The following CFAP77 variants were observed in gnomAD, a reference collection of about 807,000 sequenced individuals.
CFAP77 encodes the protein cilia and flagella associated protein 77, also known as cilia- and flagella-associated protein 77.
Under a neutral mutation model 31.1 loss-of-function variants are expected in CFAP77, and 25 were observed. The observed-to-expected ratio is 0.80, with a 90% CI of 0.59 to 1.12. The LOEUF (loss-of-function observed/expected upper bound fraction) is 1.12. CFAP77 is among the 50% of genes most tolerant of loss of function. The pLI is 0.00. For synonymous variants in CFAP77, 151 were observed against 159.9 expected (o/e 0.94, Z 0.42); for missense variants, 377 against 397.3 (o/e 0.95, Z 0.44).
chr9:132,472,943 C>T (rs1229122083), intron 1 of CFAP77, among the ~76,000 whole-genome samples: 1 of 152,130 alleles, frequency 6.6e-6, no homozygotes, highest in Admixed American at 6.5e-5. Context: ...CACAGAGTGA[C>T]TGATAAAGAA....
At chr9:132,465,098 A>G (rs899268667) in intron 1 of CFAP77, among the ~76,000 whole-genome samples, 1 of 146,238 alleles carries the variant, frequency 6.8e-6, no homozygotes, top group South Asian at 2.1e-4. Flanking sequence ...AAAAAAGAAA[A>G]AAAGAAAGAA....
At chr9:132,504,650 C>T (rs1292897323) in intron 3 of CFAP77, among the ~76,000 whole-genome samples, 1 of 152,194 alleles carries the variant, frequency 6.6e-6, no homozygotes, top group African/African-American at 2.4e-5. Flanking sequence ...CCGCAAATTG[C>T]AGGCAAAAGG....
chr9:132,485,796 G>A (rs969894190), intron 1 of CFAP77, among the ~76,000 whole-genome samples: 2 of 151,228 alleles, frequency 1.3e-5, no homozygotes. Context: ...CCCATTTATT[G>A]GGCACTTACT....
intron 5 of CFAP77, among the ~76,000 whole-genome samples, chr9:132,549,886 A>G (rs1852797594): frequency 6.6e-6 from 1 of 152,174 alleles, no homozygotes. Context: ...GTTTTACATA[A>G]TCTGGCACCT....
chr9:132,503,291 C>T (rs1441029929), intron 3 of CFAP77, among the ~76,000 whole-genome samples: 3 of 152,208 alleles, frequency 2.0e-5, no homozygotes, highest in Admixed American at 6.5e-5. Context: ...GCCCTGTTCT[C>T]GCAGGCTGCC....
chr9:132,439,465 C>T (rs1328416601), intron 1 of CFAP77, among the ~76,000 whole-genome samples: 1 of 152,122 alleles, frequency 6.6e-6, no homozygotes, highest in Non-Finnish European at 1.5e-5. Flanking sequence ...GCCGAGAGAT[C>T]CAGCTCTCTG....
intron 1 of CFAP77, among the ~76,000 whole-genome samples, chr9:132,493,210 C>A (rs1015620548): frequency 2.6e-5 from 4 of 152,102 alleles, no homozygotes; most frequent in Non-Finnish European, 5.9e-5. Flanking sequence ...TGGGGCTTTT[C>A]TGAGTGTCCA....
Position 132,508,048 on chromosome 9 carries a change from C to G in CFAP77, c.524+8448C>G, listed in dbSNP as rs1192639982. Among the ~76,000 whole-genome samples the G allele has an allele frequency of 1.3e-5, 2 of 152,204 alleles. 1 individual carries two copies. Among genetic ancestry groups the G allele is most frequent in the African/African-American group, 4.8e-5 (2 of 41,446 alleles). On this transcript the variant is annotated intron_variant, in intron 3 of 5. Coordinates refer to ENST00000393216, the MANE Select transcript of CFAP77 (RefSeq NM_001282957.2). ...TCATCCATCGCTGCATCTTCAGCGT[C>G]CAACACAATGCCTGGCACATAGTGA...
chr9:132,520,059 T>G (rs918534164), intron 3 of CFAP77, among the ~76,000 whole-genome samples: 1 of 150,654 alleles, frequency 6.6e-6, no homozygotes, highest in Non-Finnish European at 1.5e-5. Context: ...CCTTGGGCCC[T>G]CAAATCCTGT....
At chr9:132,503,281 G>A (rs1036786722) in intron 3 of CFAP77, among the ~76,000 whole-genome samples, 1 of 152,170 alleles carries the variant, frequency 6.6e-6, no homozygotes, top group African/African-American at 2.4e-5. Context: ...GCCCTCCCTT[G>A]CCCTGTTCTC....
At chr9:132,430,182 T>A (rs1850388556) in intron 1 of CFAP77, among the ~76,000 whole-genome samples, 1 of 152,170 alleles carries the variant, frequency 6.6e-6, no homozygotes, top group African/African-American at 2.4e-5. Context: ...ATAAATTTTT[T>A]AAAATTTCTG....
chr9:132,555,034 G>T (rs1294843236), intron 5 of CFAP77, among the ~76,000 whole-genome samples: 1 of 152,060 alleles, frequency 6.6e-6, no homozygotes, highest in East Asian at 1.9e-4. Flanking sequence ...ATCCAGCCAA[G>T]ATTTGTTTGG....
intron 5 of CFAP77, among the ~76,000 whole-genome samples, chr9:132,544,325 G>T (rs752811471): frequency 1.3e-5 from 2 of 152,118 alleles, no homozygotes; most frequent in African/African-American, 4.8e-5. Context: ...CTGCAGCTCC[G>T]CAGCTCCTCT....
intron 5 of CFAP77, among the ~76,000 whole-genome samples, chr9:132,560,830 G>A (rs1337942237): frequency 4.6e-5 from 7 of 152,144 alleles, no homozygotes; most frequent in East Asian, 1.9e-4. Context: ...GAGTGGTGCC[G>A]GTGCCATTTG....
chr9:132,559,161 G>A (rs971349324), intron 5 of CFAP77, among the ~76,000 whole-genome samples: 2 of 151,832 alleles, frequency 1.3e-5, no homozygotes, highest in Non-Finnish European at 2.9e-5. Context: ...TGGCTAACAC[G>A]GTGAAACCCG....
intron 5 of CFAP77, among the ~76,000 whole-genome samples, chr9:132,561,475 G>A (rs1246465387): frequency 6.6e-6 from 1 of 152,008 alleles, no homozygotes; most frequent in Non-Finnish European, 1.5e-5. Context: ...GGGGGCGTCT[G>A]CTGGCTCAGC....
At chr9:132,543,823 A>G (rs887490956) in intron 5 of CFAP77, among the ~76,000 whole-genome samples, 2 of 152,320 alleles carry the variant, frequency 1.3e-5, no homozygotes, top group South Asian at 4.1e-4. Flanking sequence ...TGTAGCACCC[A>G]GACAGGGATT....
Position 132,498,711 on chromosome 9 carries a change from C to T in CFAP77, c.212C>T (p.Pro71Leu), listed in dbSNP as rs1182325248. 14 of 1,611,712 alleles carry T rather than the reference C, an allele frequency of 8.7e-6. No homozygotes were observed. The highest frequency in any genetic ancestry group is 1.2e-5 in the Non-Finnish European group (14 of 1,178,908). ...PLIVKAELGK[P>L]RERSYSLPGI... ...CCCCGACAGGCTGAACTCGGCAAGC[C>T]CCGGGAAAGAAGCTACAGTCTGCCC... The change falls in exon 2 of 6, where the codon CCC (proline) becomes CTC (leucine). Residue 71 changes from proline (P) to leucine (L), a missense_variant. By Grantham distance (98) the Pro-to-Leu change is moderately conservative. Transcript: ENST00000393216. This position sits in a 1 kb window ranked among gnomAD's most constrained non-coding sequence, Gnocchi z 4.2.
At position 132,498,920 on chromosome 9, in the gene CFAP77, G is replaced by T. The variant is rs1382731663; in HGVS notation, c.295+126G>T. On this transcript the variant is annotated intron_variant, in intron 2 of 5. Transcript: ENST00000393216. The surrounding 1 kb of genome is among the most constrained non-coding windows in gnomAD (Gnocchi z 4.2). ...GGTGCTGGAGAAAGACCCAGGGACC[G>T]CCAGCCTGGGCAGCTGACTGGTAAA... is the stretch of plus-strand genomic sequence containing the variant. 2 of 680,606 alleles carry T rather than the reference G, an allele frequency of 2.9e-6. No homozygotes were observed. The highest frequency in any genetic ancestry group is 5.0e-6 in the Non-Finnish European group (2 of 400,256). 42.2% of individuals were successfully genotyped at this position (680,606 alleles called of 1,614,324 possible). A position where few individuals can be genotyped will look rare whatever the true frequency, so the allele number is the denominator to read the frequency against.
Sources: gnomAD v4.1 joint callset for allele counts (sites outside exome capture counted in the v4.1 genomes callset) on GRCh38, gnomAD v4.1.1 for gene constraint, Gnocchi (gnomAD v3.1) non-coding constraint, MANE v1.5 for transcripts, NCBI Gene and HGNC (gene_info 2026-07-23, HGNC 2026-07-21) for gene names.